Variants in TGDS observed in about 807,000 individuals in gnomAD.
TGDS encodes the protein UDP-D-glucose 4,6-dehydratase.
TGDS carries 47 observed loss-of-function variants against 52.3 expected under a neutral mutation model. That is an observed-to-expected ratio of 0.90 (90% CI 0.71 to 1.15). The LOEUF (loss-of-function observed/expected upper bound fraction) is 1.15. TGDS is among the 50% of genes most tolerant of loss of function. TGDS has a pLI of 0.00. For synonymous variants in TGDS, 115 were observed against 136.9 expected (o/e 0.84, Z 1.12); for missense variants, 375 against 418.4 (o/e 0.90, Z 0.90).
chr13:94,578,629 C>T, intron 8 of TGDS, 101 bp downstream of exon 8: 1 of 844,336 alleles, frequency 1.2e-6, no homozygotes, highest in Non-Finnish European at 1.9e-6. Flanking sequence ...GTGGGGCATT[C>T]AATTCTATGG....
upstream of TGDS, chr13:94,596,212 G>C (rs1889379580): frequency 6.7e-7 from 1 of 1,485,868 alleles, no homozygotes. Context: ...GCGACCTTTT[G>C]CGACGCGCCT....
At chr13:94,594,297 G>C (rs75716439) in intron 1 of TGDS, among the ~76,000 whole-genome samples, 3,630 of 152,282 alleles carry the variant, frequency 0.024, 148 homozygotes, top group African/African-American at 0.082. Context: ...GCAGATATAA[G>C]TATGTAAAAA....
intron 5 of TGDS, 22 bp from the exon 6 acceptor site, chr13:94,581,211 T>A: frequency 1.4e-6 from 2 of 1,434,760 alleles, no homozygotes; most frequent in Non-Finnish European, 1.9e-6. Flanking sequence ...AATATATATT[T>A]AAAAAAGTGT....
At chr13:94,577,344 T>TC (rs771842602) in intron 10 of TGDS, 27 bp downstream of exon 10, 2 of 1,529,092 alleles carry the variant, frequency 1.3e-6, no homozygotes, top group East Asian at 4.8e-5. Flanking sequence ...TCACAACCTT[T>TC]CCCCAAGGTT....
chr13:94,587,319 C>T (rs866845678), intron 4 of TGDS, among the ~76,000 whole-genome samples: 2 of 152,032 alleles, frequency 1.3e-5, no homozygotes, highest in African/African-American at 4.8e-5. Context: ...AAGAAAAGAT[C>T]AACAATGTCA....
chr13:94,577,477 G>C, intron 9 of TGDS, 48 bp from the exon 10 acceptor site: 1 of 1,475,422 alleles, frequency 6.8e-7, no homozygotes, highest in Admixed American at 2.4e-5. Context: ...AATGAGATCA[G>C]AGAATAACAA....
chr13:94,577,300 C>A, intron 10 of TGDS, 71 bp downstream of exon 10: 1 of 1,206,262 alleles, frequency 8.3e-7, no homozygotes, highest in Non-Finnish European at 1.1e-6. Context: ...TGGTCAAGTC[C>A]ACATATTTTA....
In TGDS at chr13:94,583,205, G is replaced by C. The variant is rs1157018073; in HGVS notation, c.345C>G (p.Thr115=). ...DLSFVRAFEF[T]YVNVYGTHVL... The stretch of plus-strand genomic sequence containing the variant: ...CGTGAGTGCCATAAACATTAACATA[G>C]GTAAACTCAAAGGCACGTACGAATG... The change falls in exon 5 of 12, where the codon ACC becomes ACG. Residue 115 remains threonine, a synonymous_variant. Coordinates refer to ENST00000261296, the MANE Select transcript of TGDS (RefSeq NM_014305.4). 1 of 1,613,128 alleles carries C rather than the reference G, an allele frequency of 6.2e-7. No homozygotes were observed. The highest frequency in any genetic ancestry group is 1.1e-5 in the South Asian group (1 of 90,856).
intron 4 of TGDS, among the ~76,000 whole-genome samples, chr13:94,589,686 C>T (rs1889124541): frequency 6.6e-6 from 1 of 152,132 alleles, no homozygotes; most frequent in Admixed American, 6.5e-5. Context: ...ATGAAAAGTA[C>T]TTAATCTTAT....
intron 10 of TGDS, among the ~76,000 whole-genome samples, chr13:94,576,713 C>G (rs1888615363): frequency 6.6e-6 from 1 of 152,070 alleles, no homozygotes; most frequent in Non-Finnish European, 1.5e-5. Flanking sequence ...ACTAAATAAA[C>G]AAATACACAA....
At chr13:94,579,812 CA>C (rs1273531245) in intron 7 of TGDS, 81 bp downstream of exon 7, 1 of 763,098 alleles carries the variant, frequency 1.3e-6, no homozygotes, top group Non-Finnish European at 2.2e-6. Flanking sequence ...TTATTTTAGA[CA>C]AATAACTGAA....
At chr13:94,589,052 C>T (rs1889099849) in intron 4 of TGDS, among the ~76,000 whole-genome samples, 1 of 152,060 alleles carries the variant, frequency 6.6e-6, no homozygotes, top group East Asian at 1.9e-4. Context: ...AATACATCTT[C>T]GTGACCTTGG....
chr13:94,590,955 A>C lies in TGDS; in HGVS notation c.223-12T>G, dbSNP rs747454117. The C allele has an allele frequency of 1.9e-6, 3 of 1,562,986 alleles. No individual in the cohort carries two copies. The highest frequency in any genetic ancestry group is 2.5e-5 in the South Asian group (2 of 81,308). On this transcript the variant is annotated splice_polypyrimidine_tract_variant and intron_variant, in intron 3 of 11. Coordinates refer to ENST00000261296, the MANE Select transcript of TGDS (RefSeq NM_014305.4). ...TCACATATGTCACCCTATATGAAAA[A>C]GCAAACATGAAAGGGCCTAGGTTTC... is the stretch of plus-strand genomic sequence containing the variant.
At chr13:94,593,574 T>C (rs776446607) in intron 2 of TGDS, among the ~76,000 whole-genome samples, 1 of 151,784 alleles carries the variant, frequency 6.6e-6, no homozygotes. Context: ...TGAATGAAAA[T>C]CCAAAAAGTC....
chr13:94,580,703 C>G (rs1334030347), intron 6 of TGDS, among the ~76,000 whole-genome samples: 2 of 152,204 alleles, frequency 1.3e-5, no homozygotes, highest in Admixed American at 1.3e-4. Flanking sequence ...AATGTATATT[C>G]AAGATTCAAG....
At chr13:94,578,699 G>T in intron 8 of TGDS, 31 bp downstream of exon 8, 1 of 1,497,302 alleles carries the variant, frequency 6.7e-7, no homozygotes, top group East Asian at 2.3e-5. Flanking sequence ...TACCAGAAAA[G>T]CATATGGGTA....
intron 1 of TGDS, among the ~76,000 whole-genome samples, chr13:94,594,119 A>C (rs1889295238): frequency 1.3e-5 from 2 of 152,216 alleles, no homozygotes; most frequent in Non-Finnish European, 2.9e-5. Context: ...TTTACATTCC[A>C]TTTAGACTAT....
chr13:94,590,803 G>C, intron 4 of TGDS, 50 bp downstream of exon 4: 2 of 1,411,530 alleles, frequency 1.4e-6, no homozygotes, highest in Non-Finnish European at 9.6e-7. Context: ...AGGGGGGCGA[G>C]GGCGGGGAGA....
rs763227888 is a variant in TGDS at position 94,578,102 on chromosome 13, A to G, written c.728T>C (p.Leu243Pro). 1 of 1,613,888 alleles carries G rather than the reference A, an allele frequency of 6.2e-7. No individual in the cohort carries two copies. The highest frequency in any genetic ancestry group is 1.1e-5 in the South Asian group (1 of 91,076). ...TGGTTTCCCTTTTTTGAGGACAGTGAGAAATGCTTCTACAACATCAGTAGC... is the reference window on the plus strand; with the variant it reads ...TGGTTTCCCTTTTTTGAGGACAGTGGGAAATGCTTCTACAACATCAGTAGC... ...LYATDVVEAF[L>P]TVLKKGKPGE... The change falls in exon 9 of 12, where the codon CTC becomes CCC. Residue 243 changes from leucine to proline, a missense_variant. Coordinates refer to ENST00000261296, the MANE Select transcript of TGDS (RefSeq NM_014305.4).
Sources: allele counts gnomAD v4.1 joint callset (sites outside exome capture counted in the v4.1 genomes callset), GRCh38; gene constraint gnomAD v4.1.1; transcripts MANE v1.5; gene names NCBI Gene and HGNC (gene_info 2026-07-23, HGNC 2026-07-21).